Variants in GPATCH1 observed in about 807,000 individuals in gnomAD.
GPATCH1 encodes the protein G-patch domain containing 1.
GPATCH1 carries 73 observed loss-of-function variants against 114.9 expected under a neutral mutation model. The observed-to-expected ratio is 0.64, with a 90% confidence interval of 0.53 to 0.77. GPATCH1 has a LOEUF of 0.77. GPATCH1 is among the 30% of genes least tolerant of loss of function. The pLI, the probability that GPATCH1 is intolerant of heterozygous loss-of-function variation, is 0.00. For synonymous variants in GPATCH1, 391 were observed against 428.4 expected (o/e 0.91, Z 1.08); for missense variants, 1,058 against 1,144.3 (o/e 0.92, Z 1.09).
At chr19:33,099,781 T>C (rs1239759728) in intron 8 of GPATCH1, among the ~76,000 whole-genome samples, 1 of 150,382 alleles carries the variant, frequency 6.6e-6, no homozygotes, top group Non-Finnish European at 1.5e-5. Flanking sequence ...TTTTTTTTTT[T>C]TTTTTGAAGA....
chr19:33,090,800 G>T lies in GPATCH1; in HGVS notation c.229G>T (p.Val77Leu). ...SKEGWTPSTF[V>L]SSRQNRADKS... ...TTCAGGATGGACACCCTCTACCTTT[G>T]TGTCTTCACGACAGAACAGAGCAGA... Residue 77 changes from valine (V) to leucine (L), a missense_variant, in exon 3 of 20, where the codon GTG becomes TTG. Transcript: ENST00000170564. 6.2e-7 allele frequency: 1 copy of T among 1,611,452 alleles called. No homozygotes were observed. The highest frequency in any genetic ancestry group is 8.5e-7 in the Non-Finnish European group (1 of 1,177,954).
intron 9 of GPATCH1, among the ~76,000 whole-genome samples, chr19:33,105,011 A>C (rs1394905457): frequency 6.6e-6 from 1 of 152,160 alleles, no homozygotes; most frequent in African/African-American, 2.4e-5. Flanking sequence ...CAAATTTCCC[A>C]AACAGATTTT....
intron 19 of GPATCH1, among the ~76,000 whole-genome samples, chr19:33,128,938 ATTCCTAT>A (rs1356372387): frequency 6.6e-6 from 1 of 152,128 alleles, no homozygotes; most frequent in Non-Finnish European, 1.5e-5. Flanking sequence ...TGCCACGAAC[ATTCCTAT>A]ATGTATGAAA....
chr19:33,104,484 A>G (rs17884930), intron 9 of GPATCH1, among the ~76,000 whole-genome samples: 22,605 of 152,092 alleles, frequency 0.15, 1,946 homozygotes, highest in East Asian at 0.35. Context: ...TGTCTCCAGA[A>G]GGTGATGAAG....
Position 33,114,373 on chromosome 19 carries a change from T to C in GPATCH1, c.2150T>C (p.Leu717Ser), listed in dbSNP as rs890179047. ...AEPPKQQSSP[L>S]VNKEEEHAPE... is the part of the protein sequence containing the mutation. Reference sequence around the variant, plus strand: ...CCACCTAAACAACAGTCCAGCCCCTTAGTAAACAAAGAGGAAGAGCATGCA... The same window carrying C: ...CCACCTAAACAACAGTCCAGCCCCTCAGTAAACAAAGAGGAAGAGCATGCA... Residue 717 changes from leucine to serine, a missense_variant, in exon 15 of 20, where the codon TTA (leucine) becomes TCA (serine). Coordinates refer to ENST00000170564, the MANE Select transcript of GPATCH1 (RefSeq NM_018025.3). The C allele has an allele frequency of 1.2e-6, 2 of 1,608,504 alleles. No homozygotes were observed. Among genetic ancestry groups the C allele is most frequent in the East Asian group, 2.2e-5 (1 of 44,844 alleles).
At chr19:33,114,495 C>T (rs1972895308) in intron 15 of GPATCH1, 76 bp downstream of exon 15, 5 of 1,157,054 alleles carry the variant, frequency 4.3e-6, no homozygotes, top group East Asian at 2.5e-5. Context: ...ACTTTCTCCT[C>T]GTGACTCACC....
chr19:33,124,603 G>A (rs1471187700), intron 17 of GPATCH1, among the ~76,000 whole-genome samples: 3 of 152,162 alleles, frequency 2.0e-5, no homozygotes, highest in Non-Finnish European at 2.9e-5. Flanking sequence ...TCTGAGCTTC[G>A]AGAATCATGG....
chr19:33,090,762 A>G lies in GPATCH1; in HGVS notation c.209-18A>G, dbSNP rs762702427. The G allele has an allele frequency of 6.4e-6, 10 of 1,560,458 alleles. No homozygotes were observed. Among genetic ancestry groups the G allele is most frequent in the Admixed American group, 3.3e-5 (2 of 59,836 alleles). On this transcript the variant is annotated intron_variant, in intron 2 of 19. Transcript: ENST00000170564. ...ATACTCTCTAGGATTGTAAAGTTCT[A>G]AACTCTTTTTTTTTCAGGATGGACA...
intron 2 of GPATCH1, among the ~76,000 whole-genome samples, chr19:33,088,692 T>C (rs1257761835): frequency 7.3e-6 from 1 of 136,518 alleles, no homozygotes; most frequent in Non-Finnish European, 1.5e-5. Flanking sequence ...AGTCTTGCAC[T>C]GTTGCCCAGG....
rs35403942 is a variant in GPATCH1, at chr19:33,102,397, A to ATT, written c.1080+839_1080+840dup. Among the ~76,000 whole-genome samples, 239 of 135,244 alleles carry ATT rather than the reference A, an allele frequency of 1.8e-3. 3 individuals carry two copies. Among genetic ancestry groups the ATT allele is most frequent in the South Asian group, 5.3e-3 (23 of 4,304 alleles). The allele number at this position is 135,244 out of a possible 152,430, so 88.7% of individuals were successfully genotyped here. On this transcript the variant is annotated intron_variant, in intron 9 of 19. Coordinates refer to ENST00000170564, the MANE Select transcript of GPATCH1 (RefSeq NM_018025.3). ...ATTGTGATAAAAATATCTAATTTCT[A>ATT]TTTTTTTTTTTTTTTTTGAGATGGA...
chr19:33,083,843 C>T (rs1410629172), intron 1 of GPATCH1, among the ~76,000 whole-genome samples: 1 of 151,712 alleles, frequency 6.6e-6, no homozygotes, highest in African/African-American at 2.4e-5. Context: ...GAGTTTCGCT[C>T]TTGTCACCCA....
chr19:33,084,317 A>G (rs2145297512), intron 1 of GPATCH1, among the ~76,000 whole-genome samples: 1 of 152,194 alleles, frequency 6.6e-6, no homozygotes, highest in Non-Finnish European at 1.5e-5. Context: ...GCCTAGTGAC[A>G]GTGGCTGAAC....
At chr19:33,097,166 A>T (rs1000861556) in intron 7 of GPATCH1, among the ~76,000 whole-genome samples, 1 of 146,220 alleles carries the variant, frequency 6.8e-6, no homozygotes, top group Non-Finnish European at 1.5e-5. Flanking sequence ...CTGGTCTTGA[A>T]CTCCTGACCT....
chr19:33,118,035 G>A lies in GPATCH1; in HGVS notation c.2407G>A (p.Ala803Thr), dbSNP rs1347587587. The change falls in exon 16 of 20, where the codon GCT becomes ACT. Residue 803 changes from alanine to threonine, a missense_variant. Ala to Thr is a moderately conservative substitution (Grantham distance 58). Coordinates refer to ENST00000170564, the MANE Select transcript of GPATCH1 (RefSeq NM_018025.3). Reference sequence around the variant, plus strand: ...TGACTTGGGGGAAACATCATCTGTGGCTCACGGTATGTCAGTATTTCAGAC... The same window carrying A: ...TGACTTGGGGGAAACATCATCTGTGACTCACGGTATGTCAGTATTTCAGAC... ...DTDLGETSSV[A>T]HALVPAPQEP... 1.9e-6 allele frequency: 3 copies of A among 1,611,398 alleles called. No homozygotes were observed. The highest frequency in any genetic ancestry group is 2.7e-5 in the African/African-American group (2 of 74,934).
chr19:33,103,762 G>C (rs1019818881), intron 9 of GPATCH1, among the ~76,000 whole-genome samples: 1 of 152,098 alleles, frequency 6.6e-6, no homozygotes, highest in Admixed American at 6.6e-5. Flanking sequence ...GCACTCACTG[G>C]TCCTTAGGAT....
intron 7 of GPATCH1, 77 bp downstream of exon 7, chr19:33,096,523 G>T (rs544529346): frequency 1.6e-6 from 2 of 1,250,208 alleles, no homozygotes; most frequent in South Asian, 1.5e-5. Context: ...CTTTTTAGAG[G>T]TTCTTTATTT....
At chr19:33,104,412 A>G (rs1312085022) in intron 9 of GPATCH1, among the ~76,000 whole-genome samples, 2 of 151,980 alleles carry the variant, frequency 1.3e-5, no homozygotes, top group African/African-American at 4.8e-5. Flanking sequence ...CCTTTCTGCC[A>G]TGTTCCTCTG....
At chr19:33,106,397 A>G (rs971690336) in intron 9 of GPATCH1, among the ~76,000 whole-genome samples, 1 of 152,074 alleles carries the variant, frequency 6.6e-6, no homozygotes, top group Non-Finnish European at 1.5e-5. Context: ...TTTATGATCT[A>G]TTGTCATCTT....
At chr19:33,104,609 T>C (rs947348121) in intron 9 of GPATCH1, among the ~76,000 whole-genome samples, 1 of 152,082 alleles carries the variant, frequency 6.6e-6, no homozygotes, top group Non-Finnish European at 1.5e-5. Flanking sequence ...CCTGGGGAGC[T>C]TGGGGAACTC....
Sources: gnomAD v4.1 joint callset for allele counts (sites outside exome capture counted in the v4.1 genomes callset) on GRCh38, gnomAD v4.1.1 for gene constraint, MANE v1.5 for transcripts, NCBI Gene and HGNC (gene_info 2026-07-23, HGNC 2026-07-21) for gene names.